GAS2L3: variants seen among roughly 807,000 people sequenced by gnomAD.
The protein encoded by GAS2L3 is GAS2-like protein 3.
GAS2L3 carries 28 observed loss-of-function variants against 37.0 expected under a neutral mutation model. That is an observed-to-expected ratio of 0.76 (90% CI 0.56 to 1.04). The LOEUF is 1.04. Among genes scored for constraint, GAS2L3 ranks in the 50% least tolerant of loss-of-function variants. The probability of loss-of-function intolerance (pLI) is 0.00; values close to 1 mark genes in which losing one functional copy is unlikely to be tolerated. For missense variants in GAS2L3, 793 were observed against 817.6 expected, an observed-to-expected ratio of 0.97 and a Z score of 0.37; for synonymous variants, 290 against 296.6, an observed-to-expected ratio of 0.98 and a Z score of 0.23.
intron 8 of GAS2L3, 111 bp from the exon 9 acceptor site, chr12:100,622,164 C>T (rs772211913): frequency 1.5e-5 from 8 of 535,174 alleles, no homozygotes; most frequent in Non-Finnish European, 2.7e-5. Context: ...AATTATTGAA[C>T]CTGAAATTTT....
chr12:100,607,138 T>C (rs1313477495), intron 5 of GAS2L3, among the ~76,000 whole-genome samples: 2 of 152,184 alleles, frequency 1.3e-5, no homozygotes, highest in African/African-American at 2.4e-5. Context: ...CCCTCAGTTT[T>C]TGTTGTCTGG....
At position 100,600,522 on chromosome 12, in the gene GAS2L3, T is replaced by C. The variant is rs1593173641; in HGVS notation, c.159T>C (p.Asp53=). The stretch of plus-strand genomic sequence containing the variant: ...CCACTTTGTTGCCCATGCAAGAAGA[T>C]CTGTCAATCTGGTTATCTGGTTTAT... ...HEATLLPMQE[D]LSIWLSGLLG... The change falls in exon 4 of 10, where the codon GAT becomes GAC. Residue 53 remains aspartate, a synonymous_variant. Transcript: ENST00000547754. The C allele has an allele frequency of 1.2e-6, 2 of 1,613,814 alleles. No homozygotes were observed. The highest frequency in any genetic ancestry group is 2.2e-5 in the East Asian group (1 of 44,862).
chr12:100,587,131 A>C (rs1406343431), intron 1 of GAS2L3, among the ~76,000 whole-genome samples: 1 of 152,212 alleles, frequency 6.6e-6, no homozygotes, highest in Non-Finnish European at 1.5e-5. Context: ...GATTCACAAC[A>C]GAACTCTACC....
At chr12:100,593,174 C>A (rs1955867217) in intron 2 of GAS2L3, among the ~76,000 whole-genome samples, 1 of 151,956 alleles carries the variant, frequency 6.6e-6, no homozygotes, top group African/African-American at 2.4e-5. Context: ...ATAGTGAGTA[C>A]TTATTACTTA....
chr12:100,591,429 C>A (rs187706025), intron 1 of GAS2L3, among the ~76,000 whole-genome samples: 36 of 152,270 alleles, frequency 2.4e-4, no homozygotes, highest in Admixed American at 2.2e-3. Context: ...AAATTTTTAT[C>A]TGAGTGTCCT....
intron 1 of GAS2L3, among the ~76,000 whole-genome samples, chr12:100,590,595 C>T (rs756271704): frequency 6.6e-5 from 10 of 151,946 alleles, no homozygotes; most frequent in East Asian, 1.9e-4. Flanking sequence ...AGAAGTCATT[C>T]GAAAAAGATA....
intron 1 of GAS2L3, among the ~76,000 whole-genome samples, chr12:100,576,463 A>C (rs536535903): frequency 6.6e-6 from 1 of 152,342 alleles, no homozygotes; most frequent in Non-Finnish European, 1.5e-5. Context: ...ATACCAGTAC[A>C]TATCTAATGA....
At chr12:100,607,048 T>C (rs931423294) in intron 5 of GAS2L3, among the ~76,000 whole-genome samples, 4 of 152,222 alleles carry the variant, frequency 2.6e-5, no homozygotes, top group African/African-American at 9.6e-5. Context: ...AATATTCTTA[T>C]TGCTCATTAA....
At chr12:100,595,054 C>A (rs1475807860) in intron 3 of GAS2L3, 132 bp downstream of exon 3, 2 of 397,482 alleles carry the variant, frequency 5.0e-6, no homozygotes, top group Non-Finnish European at 9.3e-6. Context: ...TTTAATAACA[C>A]ATACTATATT....
intron 1 of GAS2L3, chr12:100,579,281 C>T (rs550434452): frequency 2.7e-5 from 17 of 619,026 alleles, no homozygotes; most frequent in South Asian, 1.1e-4. Flanking sequence ...TGACACAAGC[C>T]GTATCATTTG....
chr12:100,576,075 C>A (rs1387549461), intron 1 of GAS2L3, among the ~76,000 whole-genome samples: 4 of 151,978 alleles, frequency 2.6e-5, no homozygotes, highest in African/African-American at 7.2e-5. Flanking sequence ...GTAAAAAAAA[C>A]AGTGATATTT....
intron 1 of GAS2L3, among the ~76,000 whole-genome samples, chr12:100,582,762 A>T (rs1360106581): frequency 3.9e-5 from 6 of 152,306 alleles, no homozygotes; most frequent in East Asian, 3.9e-4. Flanking sequence ...TCATTATCTT[A>T]TGGTTTAGAA....
intron 1 of GAS2L3, among the ~76,000 whole-genome samples, chr12:100,590,697 T>C (rs1955835574): frequency 6.6e-6 from 1 of 152,010 alleles, no homozygotes; most frequent in Non-Finnish European, 1.5e-5. Flanking sequence ...ACAGAAACTG[T>C]GTGTGCACTC....
At chr12:100,612,199 T>G in intron 6 of GAS2L3, 58 bp downstream of exon 6, 1 of 1,420,990 alleles carries the variant, frequency 7.0e-7, no homozygotes, top group Non-Finnish European at 9.8e-7. Flanking sequence ...TTTAATATCC[T>G]TCACCTCTAA....
Position 100,618,492 on chromosome 12 carries a change from A to G in GAS2L3, c.553A>G (p.Ile185Val). The G allele has an allele frequency of 1.1e-5, 18 of 1,611,940 alleles. No individual in the cohort carries two copies. Among genetic ancestry groups the G allele is most frequent in the Non-Finnish European group, 1.5e-5 (18 of 1,179,106 alleles). Residue 185 changes from isoleucine to valine, a missense_variant, in exon 8 of 10, where the codon ATT becomes GTT. Coordinates refer to ENST00000547754, the MANE Select transcript of GAS2L3 (RefSeq NM_174942.3). ...PPVLVKLEKE[I>V]ELEETLLNTS... ...AGTGTTAGTAAAACTTGAGAAAGAAATTGAGTTAGAAGAGACTTTGCTTAA... is the reference window on the plus strand; with the variant it reads ...AGTGTTAGTAAAACTTGAGAAAGAAGTTGAGTTAGAAGAGACTTTGCTTAA...
chr12:100,573,684 AGGC>A lies in GAS2L3; in HGVS notation c.-243_-241del. 6 of 158,192 alleles carry A rather than the reference AGGC, an allele frequency of 3.8e-5. No homozygotes were observed. The highest frequency in any genetic ancestry group is 8.3e-5 in the Non-Finnish European group (6 of 72,330). The allele number at this position is 158,192 out of a possible 1,614,324, so 9.8% of individuals were successfully genotyped here. Reference sequence around the variant, plus strand: ...CCAGCGGCTACTGACCCTGAGGCCCAGGCGGCGGCGGCAGCGGCGGCGGTTGGT... The same window carrying A: ...CCAGCGGCTACTGACCCTGAGGCCCAGGCGGCGGCAGCGGCGGCGGTTGGT... On this transcript the variant is annotated 5_prime_UTR_variant, in exon 1 of 10. Transcript: ENST00000547754.
At chr12:100,615,442 G>C (rs939469247) in intron 6 of GAS2L3, among the ~76,000 whole-genome samples, 4 of 151,668 alleles carry the variant, frequency 2.6e-5, no homozygotes, top group African/African-American at 9.7e-5. Flanking sequence ...CCTAGCCTTT[G>C]GGTTATTTTT....
chr12:100,615,078 T>G (rs1245022253), intron 6 of GAS2L3, among the ~76,000 whole-genome samples: 1 of 152,216 alleles, frequency 6.6e-6, no homozygotes, highest in Non-Finnish European at 1.5e-5. Flanking sequence ...TTTATCTTTT[T>G]GAGGAGCTGT....
In GAS2L3 at chr12:100,624,773, G is replaced by A; in HGVS notation, c.1968G>A (p.Arg656=). The change falls in exon 10 of 10, where the codon AGG becomes AGA. Residue 656 remains arginine, a synonymous_variant. Transcript: ENST00000547754. ...GTGGCAAAACCCCAGCTTCAATCAG[G>A]AAACCACCCTCATCTGTTAAGGATG... The part of the protein sequence containing the change: ...PRSGKTPASI[R]KPPSSVKDAD... 1 of 1,613,776 alleles carries A rather than the reference G, an allele frequency of 6.2e-7. No homozygotes were observed. Among genetic ancestry groups the A allele is most frequent in the Non-Finnish European group, 8.5e-7 (1 of 1,179,992 alleles).
Sources: gnomAD v4.1 joint callset for allele counts (sites outside exome capture counted in the v4.1 genomes callset) on GRCh38, gnomAD v4.1.1 for gene constraint, MANE v1.5 for transcripts, NCBI Gene and HGNC (gene_info 2026-07-23, HGNC 2026-07-21) for gene names.